Variants in HOMER2 observed in about 807,000 individuals in gnomAD.
HOMER2 encodes homer scaffold protein 2, also known as homer protein homolog 2.
In HOMER2, 27 loss-of-function variants were observed where a neutral mutation model predicts 47.0. That is an observed-to-expected ratio of 0.57 (90% CI 0.42 to 0.79). HOMER2 has a LOEUF of 0.79. HOMER2 is among the 30% of genes least tolerant of loss of function. The pLI is 0.00. For synonymous variants in HOMER2, 161 were observed against 163.8 expected (o/e 0.98, Z 0.13); for missense variants, 443 against 435.0 (o/e 1.02, Z -0.16).
chr15:82,952,125 C>T, intron 1 of HOMER2: 1 of 831,940 alleles, frequency 1.2e-6, no homozygotes, highest in South Asian at 5.5e-5. Flanking sequence ...CTTCGATTTC[C>T]ATTTTGCTTG....
rs767266683 is a variant in HOMER2, at chr15:82,859,036, T to A, written c.487A>T (p.Thr163Ser). 1 of 1,613,848 alleles carries A rather than the reference T, an allele frequency of 6.2e-7. No individual in the cohort carries two copies. ...ACTTTAAAACAGCCTTACCTCTGCG[T>A]CAAGGCAATCTTCAGCTTGTCATTC... ...SENDKLKIAL[T>S]QSAANVKKWE... is the part of the protein sequence containing the mutation. The change falls in exon 5 of 9, where the codon ACG becomes TCG. Residue 163 changes from threonine (T) to serine (S), a missense_variant. Thr to Ser is a moderately conservative substitution (Grantham distance 58). Coordinates refer to ENST00000450735, the MANE Select transcript of HOMER2 (RefSeq NM_004839.4).
Position 82,851,131 on chromosome 15 carries a change from T to G in HOMER2, c.843+20A>C. 6.5e-7 allele frequency: 1 copy of G among 1,533,462 alleles called. No homozygotes were observed. Among genetic ancestry groups the G allele is most frequent in the Non-Finnish European group, 8.9e-7 (1 of 1,121,410 alleles). 95.0% of individuals were successfully genotyped at this position (1,533,462 alleles called of 1,614,324 possible). ...GCCTTCTTGTCTGAGCCAGGATGGC[T>G]GTGCCCCCAACCCACGTACCTCTAG... On this transcript the variant is annotated intron_variant, in intron 8 of 8. Coordinates refer to ENST00000450735, the MANE Select transcript of HOMER2 (RefSeq NM_004839.4).
At chr15:82,892,568 AAT>A in intron 2 of HOMER2, 115 bp downstream of exon 2, 2 of 756,528 alleles carry the variant, frequency 2.6e-6, no homozygotes, top group Non-Finnish European at 3.9e-6. Flanking sequence ...AAAAGAACAG[AAT>A]ATGTTATACA....
intron 1 of HOMER2, among the ~76,000 whole-genome samples, chr15:82,915,619 G>A (rs1009659470): frequency 6.6e-6 from 1 of 152,198 alleles, no homozygotes; most frequent in African/African-American, 2.4e-5. Context: ...GGCTAACGTG[G>A]GAGGATTGCC....
At chr15:82,952,267 G>C (rs963235008) in intron 1 of HOMER2, among the ~76,000 whole-genome samples, 1 of 152,224 alleles carries the variant, frequency 6.6e-6, no homozygotes, top group Non-Finnish European at 1.5e-5. Context: ...TCCCCGTCAG[G>C]TGCCCCCGTG....
intron 1 of HOMER2, among the ~76,000 whole-genome samples, chr15:82,904,385 C>T (rs570658561): frequency 6.6e-6 from 1 of 152,304 alleles, no homozygotes; most frequent in Admixed American, 6.5e-5. Flanking sequence ...GTTAAAAACT[C>T]CAGAGGGATC....
intron 5 of HOMER2, 100 bp from the exon 6 acceptor site, chr15:82,854,900 G>A (rs1281384321): frequency 1.4e-6 from 2 of 1,407,404 alleles, no homozygotes; most frequent in Non-Finnish European, 1.9e-6. Flanking sequence ...GCACACCCCT[G>A]GGGGGCCCAC....
At chr15:82,911,991 C>T (rs1192798378) in intron 1 of HOMER2, among the ~76,000 whole-genome samples, 1 of 152,172 alleles carries the variant, frequency 6.6e-6, no homozygotes, top group African/African-American at 2.4e-5. Context: ...GATCGCACCA[C>T]TGCACTCCAG....
intron 1 of HOMER2, among the ~76,000 whole-genome samples, chr15:82,924,429 G>A (rs2053808794): frequency 6.9e-6 from 1 of 145,712 alleles, no homozygotes; most frequent in African/African-American, 2.5e-5. Flanking sequence ...CCAGGGACAT[G>A]TCACTTGTCT....
chr15:82,900,057 A>G (rs886611956), intron 1 of HOMER2, among the ~76,000 whole-genome samples: 8 of 152,244 alleles, frequency 5.3e-5, no homozygotes, highest in African/African-American at 1.9e-4. Flanking sequence ...TAGATTGCCA[A>G]AAATCCCATT....
chr15:82,940,161 T>C (rs1390760658), intron 1 of HOMER2, among the ~76,000 whole-genome samples: 1 of 151,972 alleles, frequency 6.6e-6, no homozygotes, highest in Non-Finnish European at 1.5e-5. Flanking sequence ...GGCACATGTA[T>C]ACATATGTAA....
chr15:82,963,977 G>T (rs965264131), intron 1 of HOMER2, among the ~76,000 whole-genome samples: 2 of 152,214 alleles, frequency 1.3e-5, no homozygotes, highest in Non-Finnish European at 2.9e-5. Flanking sequence ...CTGACGATGA[G>T]ATGTAGTCCT....
rs545783051 is a variant in HOMER2, at chr15:82,858,912, C to T, written c.494+117G>A. 4.7e-5 allele frequency: 58 copies of T among 1,224,224 alleles called. 2 individuals are homozygous for T. The South Asian group carries it at 8.3e-4, about 18-fold the overall frequency. 75.8% of individuals were successfully genotyped at this position (1,224,224 alleles called of 1,614,324 possible). ...TTTCACCAGGAGACAAGAGTGGATG[C>T]TCTAAGCAGGTCCCAGTTTTCTCTC... On this transcript the variant is annotated intron_variant, in intron 5 of 8. Transcript: ENST00000450735.
At chr15:82,858,974 C>G in intron 5 of HOMER2, 55 bp downstream of exon 5, 1 of 1,574,618 alleles carries the variant, frequency 6.4e-7, no homozygotes, top group African/African-American at 1.4e-5. Flanking sequence ...AGAAAGGCTT[C>G]TAGGGAAGTG....
intron 2 of HOMER2, among the ~76,000 whole-genome samples, chr15:82,891,765 C>T (rs1210404236): frequency 6.6e-6 from 1 of 152,056 alleles, no homozygotes; most frequent in Non-Finnish European, 1.5e-5. Flanking sequence ...AGAGCAGGCA[C>T]GAGTGGGTGA....
chr15:82,858,420 G>A (rs528291323), intron 5 of HOMER2, among the ~76,000 whole-genome samples: 1 of 152,088 alleles, frequency 6.6e-6, no homozygotes, highest in African/African-American at 2.4e-5. Flanking sequence ...AGCCACCAGA[G>A]TAGCTGGGAC....
At chr15:82,909,675 A>C (rs565564232) in intron 1 of HOMER2, among the ~76,000 whole-genome samples, 1 of 152,344 alleles carries the variant, frequency 6.6e-6, no homozygotes, top group South Asian at 2.1e-4. Context: ...ATGGAGAACA[A>C]AGAACCAGAG....
chr15:82,940,167 T>C (rs1040345275), intron 1 of HOMER2, among the ~76,000 whole-genome samples: 7 of 151,942 alleles, frequency 4.6e-5, no homozygotes, highest in Non-Finnish European at 8.8e-5. Context: ...TGTATACATA[T>C]GTAACAAAGC....
chr15:82,845,722 G>A (rs1012878260), downstream of HOMER2: 6 of 152,104 alleles, frequency 3.9e-5, no homozygotes, highest in South Asian at 2.1e-4. Flanking sequence ...GTCACATCAC[G>A]TCTGCCTTCT....
Sources: gnomAD v4.1 joint callset for allele counts (sites outside exome capture counted in the v4.1 genomes callset) on GRCh38, gnomAD v4.1.1 for gene constraint, MANE v1.5 for transcripts, NCBI Gene and HGNC (gene_info 2026-07-23, HGNC 2026-07-21) for gene names.